Variants in C11orf65 observed in about 807,000 individuals in gnomAD.
The protein encoded by C11orf65 is protein MFI.
A neutral mutation model predicts 35.3 loss-of-function variants in C11orf65; 38 were observed. That is an observed-to-expected ratio of 1.08 (90% CI 0.83 to 1.41). The LOEUF (loss-of-function observed/expected upper bound fraction) is 1.41. Among genes scored for constraint, C11orf65 ranks in the 40% most tolerant of loss-of-function variants. C11orf65 has a pLI of 0.00. For missense variants in C11orf65, 370 were observed against 367.1 expected (o/e 1.01, Z -0.06); for synonymous variants, 105 against 114.4 (o/e 0.92, Z 0.53).
At chr11:108,365,510 C>G (rs2137931798) in intron 2 of C11orf65, 1 of 1,614,018 alleles carries the variant, frequency 6.2e-7, no homozygotes, top group Non-Finnish European at 8.5e-7. Context: ...TGGGTGTGAT[C>G]TTCAGTATAT....
intron 2 of C11orf65, among the ~76,000 whole-genome samples, chr11:108,452,998 C>T (rs191429404): frequency 0.01 from 624 of 60,316 alleles, 4 homozygotes; most frequent in African/African-American, 0.039. Flanking sequence ...CAGGGCCTGT[C>T]GTGGGGTGGG....
intron 2 of C11orf65, among the ~76,000 whole-genome samples, chr11:108,438,549 TG>T (rs954221918): frequency 2.1e-5 from 3 of 140,594 alleles, no homozygotes; most frequent in African/African-American, 8.4e-5. Flanking sequence ...AGATTTCGTC[TG>T]GAAAAAAAAA....
rs760162089 is a variant in C11orf65 at position 108,383,140 on chromosome 11, T to C, written c.823A>G (p.Asn275Asp). 9 of 1,605,394 alleles carry C rather than the reference T, an allele frequency of 5.6e-6. No individual in the cohort carries two copies. The highest frequency in any genetic ancestry group is 7.6e-6 in the Non-Finnish European group (9 of 1,177,620). ...RFNQAQKNIYNYGGDISKMQM... is the reference protein window; with the variant it reads ...RFNQAQKNIYDYGGDISKMQM... ...ATCTTTGATATGTCTCCTCCATAGT[T>C]ATATATGTTTTTCTGTGCTTGATTA... The change falls in exon 9 of 9, where the codon AAC becomes GAC. Residue 275 changes from asparagine (N) to aspartate (D), a missense_variant. Asn to Asp is a conservative substitution (Grantham distance 23). Transcript: ENST00000393084.
At chr11:108,328,029 T>A (rs2085857465), downstream of C11orf65, among the ~76,000 whole-genome samples, 1 of 152,160 alleles carries the variant, frequency 6.6e-6, no homozygotes, top group South Asian at 2.1e-4. Flanking sequence ...TTGCTTCTGA[T>A]CATTTCTTCA....
At chr11:108,454,065 G>C (rs909307294) in intron 2 of C11orf65, among the ~76,000 whole-genome samples, 7 of 152,132 alleles carry the variant, frequency 4.6e-5, no homozygotes, top group Non-Finnish European at 1.0e-4. Flanking sequence ...TCTTTGACGG[G>C]AGGTTTTTTA....
At chr11:108,381,611 T>TTTCTCTAATTTCTAA (rs545427971), downstream of C11orf65, among the ~76,000 whole-genome samples, 8 of 152,210 alleles carry the variant, frequency 5.3e-5, no homozygotes, top group South Asian at 2.1e-4. Flanking sequence ...TAATTTCTAA[T>TTTCTCTAATTTCTAA]TTCTCTAATT....
intron 1 of C11orf65, among the ~76,000 whole-genome samples, chr11:108,464,712 A>G (rs2093513787): frequency 6.6e-6 from 1 of 152,138 alleles, no homozygotes; most frequent in South Asian, 2.1e-4. Context: ...GAAATTACTA[A>G]GAATGATTGT....
intron 2 of C11orf65, among the ~76,000 whole-genome samples, chr11:108,435,211 A>T (rs2093044622): frequency 6.6e-6 from 1 of 152,128 alleles, no homozygotes; most frequent in Admixed American, 6.6e-5. Context: ...CTGCAGATAT[A>T]ATGGTCTTAG....
chr11:108,456,009 T>C (rs1378344860), intron 2 of C11orf65, among the ~76,000 whole-genome samples: 2 of 148,782 alleles, frequency 1.3e-5, no homozygotes, highest in Non-Finnish European at 3.0e-5. Flanking sequence ...ACAGAAAGTA[T>C]CCAGGCATGG....
intron 6 of C11orf65, among the ~76,000 whole-genome samples, chr11:108,315,266 T>A (rs888525914): frequency 1.3e-5 from 2 of 152,228 alleles, no homozygotes; most frequent in Non-Finnish European, 2.9e-5. Context: ...AATAGTACAA[T>A]ATGTACGATA....
At chr11:108,453,100 G>GT (rs1442191725) in intron 2 of C11orf65, among the ~76,000 whole-genome samples, 3 of 60,116 alleles carry the variant, frequency 5.0e-5, no homozygotes, top group South Asian at 9.7e-4. Context: ...GTATACATTT[G>GT]TAACAACCTG....
chr11:108,431,087 T>C (rs769412343), intron 3 of C11orf65, among the ~76,000 whole-genome samples: 5 of 152,066 alleles, frequency 3.3e-5, no homozygotes, highest in Non-Finnish European at 7.4e-5. Flanking sequence ...ATTAGTACAA[T>C]AGCTTTGGGA....
rs551853389 is a variant in C11orf65 at position 108,395,072 on chromosome 11, G to T, written c.561-1694C>A. Among the ~76,000 whole-genome samples the T allele has an allele frequency of 2.4e-4, 37 of 152,006 alleles. No homozygotes were observed. The South Asian group carries it at 7.3e-3, about 30-fold the overall frequency. ...TTTGAGCCCAGAAGTTCAAGGCTGCGGTCAGCTATGATAGCACTACTGCAC... is the reference window on the plus strand; with the variant it reads ...TTTGAGCCCAGAAGTTCAAGGCTGCTGTCAGCTATGATAGCACTACTGCAC... On this transcript the variant is annotated intron_variant, in intron 6 of 8. Coordinates refer to ENST00000393084, the MANE Select transcript of C11orf65 (RefSeq NM_152587.5).
chr11:108,359,514 C>T (rs1421172848), intron 2 of C11orf65, among the ~76,000 whole-genome samples: 3 of 152,086 alleles, frequency 2.0e-5, no homozygotes, highest in Admixed American at 6.6e-5. Flanking sequence ...CACCACACCA[C>T]ACCTATTCCA....
chr11:108,422,346 T>C (rs2092831318), intron 3 of C11orf65, among the ~76,000 whole-genome samples: 1 of 152,224 alleles, frequency 6.6e-6, no homozygotes, highest in Non-Finnish European at 1.5e-5. Flanking sequence ...CATTCAAGAA[T>C]AGCCTGGAGT....
intron 7 of C11orf65, among the ~76,000 whole-genome samples, chr11:108,391,501 T>C (rs953197136): frequency 2.0e-5 from 3 of 152,202 alleles, no homozygotes; most frequent in Non-Finnish European, 2.9e-5. Context: ...TGCCTCAGCC[T>C]CCTGATAGCT....
intron 6 of C11orf65, among the ~76,000 whole-genome samples, chr11:108,316,953 A>G (rs1011007701): frequency 6.6e-6 from 1 of 151,750 alleles, no homozygotes; most frequent in South Asian, 2.1e-4. Context: ...TAAATTTTAG[A>G]GATAAGGTGT....
At chr11:108,365,334 C>G (rs2137904857) in intron 2 of C11orf65, 1 of 1,614,116 alleles carries the variant, frequency 6.2e-7, no homozygotes, top group Non-Finnish European at 8.5e-7. Flanking sequence ...GTGATATTGA[C>G]CAGAGTTTCA....
intron 4 of C11orf65, 58 bp downstream of exon 4, chr11:108,407,038 T>A: frequency 6.4e-7 from 1 of 1,573,324 alleles, no homozygotes; most frequent in Non-Finnish European, 8.7e-7. Flanking sequence ...AATTACATTG[T>A]TTCAATTTCA....
Sources: allele counts gnomAD v4.1 joint callset (sites outside exome capture counted in the v4.1 genomes callset), GRCh38; gene constraint gnomAD v4.1.1; transcripts MANE v1.5; gene names NCBI Gene and HGNC (gene_info 2026-07-23, HGNC 2026-07-21).